Variants in VPS13D observed in about 807,000 individuals in gnomAD.
VPS13D encodes the protein vacuolar protein sorting 13 homolog D, also known as intermembrane lipid transfer protein VPS13D.
Under a neutral mutation model 461.9 loss-of-function variants are expected in VPS13D, and 187 were observed. That is an observed-to-expected ratio of 0.40 (90% CI 0.36 to 0.46). The LOEUF is 0.46. Among genes scored for constraint, VPS13D ranks in the 20% least tolerant of loss-of-function variants. The probability of loss-of-function intolerance (pLI) is 0.60; values close to 1 mark genes in which losing one functional copy is unlikely to be tolerated. For synonymous variants in VPS13D, 1,951 were observed against 1,986.3 expected, an observed-to-expected ratio of 0.98 and a Z score of 0.47; for missense variants, 4,711 against 5,364.9, an observed-to-expected ratio of 0.88 and a Z score of 3.81.
intron 52 of VPS13D, among the ~76,000 whole-genome samples, chr1:12,365,928 G>A (rs1644028854): frequency 6.6e-6 from 1 of 152,058 alleles, no homozygotes; most frequent in Admixed American, 6.5e-5. Context: ...GTTGGAAATA[G>A]AGTCTTGCTC....
At chr1:12,468,007 A>G (rs751871278) in intron 67 of VPS13D, among the ~76,000 whole-genome samples, 3 of 152,196 alleles carry the variant, frequency 2.0e-5, no homozygotes, top group Non-Finnish European at 4.4e-5. Flanking sequence ...TTGTGCAAAG[A>G]AAATGAATGG....
At chr1:12,459,031 A>G (rs1645368138) in intron 66 of VPS13D, among the ~76,000 whole-genome samples, 1 of 152,248 alleles carries the variant, frequency 6.6e-6, no homozygotes, top group South Asian at 2.1e-4. Context: ...CAAAGCATGC[A>G]GTAGCTTTTA....
rs538662467 is a variant in VPS13D at position 12,262,900 on chromosome 1, C to T, written c.1594+820C>T. Reference sequence around the variant, plus strand: ...TGTATTTTTAGTGGAGACAAGGTATCGCTACGTTGGCCAGGCTGGTTTTGA... The same window carrying T: ...TGTATTTTTAGTGGAGACAAGGTATTGCTACGTTGGCCAGGCTGGTTTTGA... On this transcript the variant is annotated intron_variant, in intron 13 of 69. Transcript: ENST00000620676. Among the ~76,000 whole-genome samples, 10 of 152,028 alleles carry T rather than the reference C, an allele frequency of 6.6e-5. No homozygotes were observed. In the South Asian group the frequency reaches 8.3e-4, roughly 13 times the overall value.
chr1:12,508,003 C>A (rs1204438010), intron 69 of VPS13D, among the ~76,000 whole-genome samples: 1 of 152,272 alleles, frequency 6.6e-6, no homozygotes, highest in Non-Finnish European at 1.5e-5. Flanking sequence ...TTGGGCCTCT[C>A]TCCTCCGGAG....
chr1:12,449,096 A>G (rs1362834022), intron 65 of VPS13D, among the ~76,000 whole-genome samples: 2 of 152,048 alleles, frequency 1.3e-5, no homozygotes, highest in East Asian at 1.9e-4. Flanking sequence ...CATGGTGTGC[A>G]TCTTAGGGTA....
At position 12,246,253 on chromosome 1, in the gene VPS13D, C is replaced by T. The variant is rs144300186; in HGVS notation, c.447+1636C>T. 1.6e-3 allele frequency among the ~76,000 whole-genome samples: 248 copies of T among 152,250 alleles called. 2 individuals carry two copies. Among genetic ancestry groups the T allele is most frequent in the African/African-American group, 5.8e-3 (241 of 41,526 alleles). On this transcript the variant is annotated intron_variant, in intron 5 of 69. Coordinates refer to ENST00000620676, the MANE Select transcript of VPS13D (RefSeq NM_015378.4). ...TCCTCCCTCAGACTGGGAGATTGAG[C>T]CTTACCCTTCCTGATGATTACATTT...
At position 12,497,640 on chromosome 1, in the gene VPS13D, G is replaced by A. The variant is rs746216997; in HGVS notation, c.12794+9G>A. 1.1e-5 allele frequency: 17 copies of A among 1,609,990 alleles called. No individual in the cohort carries two copies. Among genetic ancestry groups the A allele is most frequent in the Admixed American group, 1.7e-5 (1 of 59,836 alleles). On this transcript the variant is annotated intron_variant, in intron 68 of 69. Transcript: ENST00000620676. ...AACATACAGGACGAATTGTAAGTTA[G>A]AGCATGGGAAACCAGCCCTGTGGGT... is the stretch of plus-strand genomic sequence containing the variant.
intron 67 of VPS13D, among the ~76,000 whole-genome samples, chr1:12,467,021 C>G (rs1645493388): frequency 6.6e-6 from 1 of 152,160 alleles, no homozygotes; most frequent in Non-Finnish European, 1.5e-5. Context: ...CAAACCAGGT[C>G]CTTCCAGAGA....
intron 67 of VPS13D, among the ~76,000 whole-genome samples, chr1:12,490,805 T>A (rs1349607980): frequency 6.6e-6 from 1 of 151,766 alleles, no homozygotes; most frequent in Non-Finnish European, 1.5e-5. Context: ...TGGTGGGAGC[T>A]ACAGGTCCAA....
chr1:12,499,620 G>A, intron 68 of VPS13D: 8 of 985,428 alleles, frequency 8.1e-6, no homozygotes, highest in Non-Finnish European at 9.6e-6. Context: ...AAATTCATAT[G>A]AACTAGGAAG....
intron 26 of VPS13D, 117 bp from the exon 27 acceptor site, chr1:12,308,314 C>A: frequency 3.7e-6 from 4 of 1,079,050 alleles, no homozygotes; most frequent in South Asian, 3.1e-5. Flanking sequence ...TGTGGGGAAG[C>A]AGGCAGCTGT....
intron 56 of VPS13D, 134 bp downstream of exon 56, chr1:12,378,725 T>C (rs1644235282): frequency 1.1e-6 from 1 of 908,194 alleles, no homozygotes; most frequent in East Asian, 3.1e-5. Flanking sequence ...AAACCTGTCA[T>C]ATTCCCAAAT....
intron 2 of VPS13D, among the ~76,000 whole-genome samples, chr1:12,239,690 CTCTT>C (rs1165163811): frequency 1.3e-5 from 2 of 152,200 alleles, no homozygotes; most frequent in Non-Finnish European, 2.9e-5. Flanking sequence ...CTTAGGTTGA[CTCTT>C]TAAATAACCT....
chr1:12,448,628 A>G (rs576112310), intron 65 of VPS13D, among the ~76,000 whole-genome samples: 1 of 152,258 alleles, frequency 6.6e-6, no homozygotes, highest in Admixed American at 6.5e-5. Flanking sequence ...TTCCTTCATA[A>G]TTCTTTATAA....
chr1:12,496,633 C>T (rs1645961495), intron 67 of VPS13D, among the ~76,000 whole-genome samples: 1 of 152,256 alleles, frequency 6.6e-6, no homozygotes, highest in South Asian at 2.1e-4. Flanking sequence ...ACCCAGTGCA[C>T]TCTTATCAGT....
At chr1:12,373,332 G>C (rs896328096) in intron 54 of VPS13D, among the ~76,000 whole-genome samples, 1 of 151,804 alleles carries the variant, frequency 6.6e-6, no homozygotes, top group Non-Finnish European at 1.5e-5. Context: ...TGTTGGTCAG[G>C]CTGGTTTCGA....
At chr1:12,496,660 A>G (rs1298457476) in intron 67 of VPS13D, among the ~76,000 whole-genome samples, 1 of 152,274 alleles carries the variant, frequency 6.6e-6, no homozygotes, top group Non-Finnish European at 1.5e-5. Flanking sequence ...AAATATGCAC[A>G]GCCTTTCCAA....
intron 5 of VPS13D, among the ~76,000 whole-genome samples, chr1:12,244,843 T>A (rs748746062): frequency 6.6e-6 from 1 of 152,168 alleles, no homozygotes; most frequent in Non-Finnish European, 1.5e-5. Context: ...TCTGCTGGCA[T>A]GAGGAGGAGT....
chr1:12,340,231 G>A (rs1267828014), intron 40 of VPS13D, among the ~76,000 whole-genome samples: 1 of 152,046 alleles, frequency 6.6e-6, no homozygotes. Context: ...AGGCCATTGG[G>A]GTGAGAAATG....
Sources: allele counts gnomAD v4.1 joint callset (sites outside exome capture counted in the v4.1 genomes callset), GRCh38; gene constraint gnomAD v4.1.1; transcripts MANE v1.5; gene names NCBI Gene and HGNC (gene_info 2026-07-23, HGNC 2026-07-21).